RAB40A: variants seen among roughly 807,000 people sequenced by gnomAD.
RAB40A encodes the protein RAB40A, member RAS oncogene family.
For missense variants in RAB40A, 145 were observed against 230.2 expected (o/e 0.63, Z 2.40); for synonymous variants, 65 against 99.9 (o/e 0.65, Z 2.08).
downstream of RAB40A, among the ~76,000 whole-genome samples, chrX:103,494,908 G>T (rs1603122257): frequency 8.9e-6 from 1 of 111,833 alleles, no homozygotes; most frequent in East Asian, 2.8e-4. Flanking sequence ...TGGGTCTTTT[G>T]TGATTCTATA....
Position 103,518,821 on chromosome X carries a change from A to G in RAB40A, c.-223+549T>C, listed in dbSNP as rs188857658. Among the ~76,000 whole-genome samples, 385 of 111,986 alleles carry G rather than the reference A, an allele frequency of 3.4e-3. 3 individuals are homozygous for G. Among genetic ancestry groups the G allele is most frequent in the Middle Eastern group, 0.014 (3 of 219 alleles). On this transcript the variant is annotated intron_variant, in intron 1 of 2. Coordinates refer to ENST00000304236, the MANE Select transcript of RAB40A (RefSeq NM_080879.3). ...TCATCCAACCCTTTCTATACATACTATCCCTCAGTGTAACCTAATGGTTTA... is the reference window on the plus strand; with the variant it reads ...TCATCCAACCCTTTCTATACATACTGTCCCTCAGTGTAACCTAATGGTTTA...
Position 103,499,779 on chromosome X carries a change from G to T in RAB40A, c.*144C>A. ...GTGTAATGTGTTTTTATTGACAGAAGGCATCACACACATTCCCAAGCAGCA... is the reference window on the plus strand; with the variant it reads ...GTGTAATGTGTTTTTATTGACAGAATGCATCACACACATTCCCAAGCAGCA... On this transcript the variant is annotated 3_prime_UTR_variant, in exon 3 of 3. Transcript: ENST00000304236. 1.6e-6 allele frequency: 1 copy of T among 633,734 alleles called. No homozygotes were observed. Among genetic ancestry groups the T allele is most frequent in the Non-Finnish European group, 2.5e-6 (1 of 398,015 alleles). The allele number at this position is 633,734 out of a possible 1,213,427, so 52.2% of individuals were successfully genotyped here. A position where few individuals can be genotyped will look rare whatever the true frequency, so the allele number is the denominator to read the frequency against.
chrX:103,507,973 T>C (rs533866551), intron 2 of RAB40A, among the ~76,000 whole-genome samples: 3 of 112,324 alleles, frequency 2.7e-5, no homozygotes, highest in East Asian at 2.8e-4. Context: ...TTAATGTTTA[T>C]TGTTCATGTA....
intron 2 of RAB40A, among the ~76,000 whole-genome samples, chrX:103,509,752 C>T (rs1355502601): frequency 2.9e-5 from 3 of 104,791 alleles, no homozygotes; most frequent in African/African-American, 1.1e-4. Flanking sequence ...TCATTATGAC[C>T]AGTTTTTTCA....
At chrX:103,498,286 C>T (rs1490637470), downstream of RAB40A, among the ~76,000 whole-genome samples, 5 of 112,173 alleles carry the variant, frequency 4.5e-5, no homozygotes, top group Admixed American at 9.4e-5. Flanking sequence ...GAACTGTCTG[C>T]GGACTCGTTT....
At chrX:103,514,515 A>G (rs896343825) in intron 2 of RAB40A, among the ~76,000 whole-genome samples, 1 of 110,065 alleles carries the variant, frequency 9.1e-6, no homozygotes, top group African/African-American at 3.3e-5. Context: ...ATGCTCAACT[A>G]ATTTTTGTAT....
downstream of RAB40A, among the ~76,000 whole-genome samples, chrX:103,498,585 C>G (rs2073198674): frequency 8.9e-6 from 1 of 112,219 alleles, no homozygotes. Flanking sequence ...GCAAACATCC[C>G]TGTTTCTTAA....
chrX:103,518,930 A>G (rs1250382509), intron 1 of RAB40A, among the ~76,000 whole-genome samples: 1 of 111,969 alleles, frequency 8.9e-6, no homozygotes, highest in African/African-American at 3.2e-5. Context: ...ATGACCTTTA[A>G]TGAATATAGA....
chrX:103,496,472 A>G (rs143786490), downstream of RAB40A, among the ~76,000 whole-genome samples: 1,593 of 112,219 alleles, frequency 0.014, 22 homozygotes, highest in African/African-American at 0.049. Context: ...CACCACCATT[A>G]TATTACCAAA....
chrX:103,502,358 AATG>A (rs1385748971), intron 2 of RAB40A: 2 of 123,551 alleles, frequency 1.6e-5, no homozygotes, highest in Non-Finnish European at 3.8e-5. Flanking sequence ...TGATTGGAAT[AATG>A]ATCATAATCA....
the RAB40A span, among the ~76,000 whole-genome samples, chrX:103,493,824 C>T: frequency 1.8e-5 from 2 of 112,123 alleles, no homozygotes; most frequent in African/African-American, 6.5e-5. Flanking sequence ...TTTCTTTATC[C>T]ATTCATCTCT....
chrX:103,512,483 T>G (rs368637177), intron 2 of RAB40A, among the ~76,000 whole-genome samples: 4 of 111,501 alleles, frequency 3.6e-5, no homozygotes, highest in African/African-American at 1.3e-4. Context: ...TGTTTAAAGT[T>G]GGAAACAACC....
intron 2 of RAB40A, among the ~76,000 whole-genome samples, chrX:103,509,019 G>A (rs2073272036): frequency 8.9e-6 from 1 of 111,872 alleles, no homozygotes; most frequent in South Asian, 3.7e-4. Flanking sequence ...AGGAATTACT[G>A]GCATTTCTGT....
At chrX:103,505,627 T>C (rs2073250875) in intron 2 of RAB40A, among the ~76,000 whole-genome samples, 1 of 111,758 alleles carries the variant, frequency 8.9e-6, no homozygotes, top group Non-Finnish European at 1.9e-5. Context: ...GTAAAATGCC[T>C]GTTTACTTCT....
chrX:103,514,473 C>T (rs1178628763), intron 2 of RAB40A, among the ~76,000 whole-genome samples: 4 of 111,039 alleles, frequency 3.6e-5, no homozygotes, highest in African/African-American at 1.3e-4. Flanking sequence ...CCTCAGCCTC[C>T]CAAGTAACTG....
intron 2 of RAB40A, among the ~76,000 whole-genome samples, chrX:103,510,261 G>C (rs757832843): frequency 3.6e-5 from 4 of 112,306 alleles, no homozygotes; most frequent in African/African-American, 1.3e-4. Context: ...CTCAGGCAAA[G>C]TCCTTATTCT....
rs192916735 is a variant in RAB40A at position 103,518,961 on chromosome X, C to T, written c.-223+409G>A. On this transcript the variant is annotated intron_variant, in intron 1 of 2. Transcript: ENST00000304236. Reference sequence around the variant, plus strand: ...ATAGAACTAAGCAACAATCCTTAGACGCTGCAGAAAAATCGAGGTGAAAAA... The same window carrying T: ...ATAGAACTAAGCAACAATCCTTAGATGCTGCAGAAAAATCGAGGTGAAAAA... Among the ~76,000 whole-genome samples the T allele has an allele frequency of 1.3e-4, 14 of 111,448 alleles. No individual in the cohort carries two copies. In the East Asian group the frequency reaches 3.1e-3, roughly 25 times the overall value.
At chrX:103,498,502 G>A (rs1007912278), downstream of RAB40A, among the ~76,000 whole-genome samples, 4 of 112,897 alleles carry the variant, frequency 3.5e-5, no homozygotes, top group Admixed American at 3.7e-4. Flanking sequence ...CAGTCTGCCT[G>A]GGGGCATATA....
chrX:103,511,322 C>A (rs1396437898), intron 2 of RAB40A, among the ~76,000 whole-genome samples: 2 of 109,162 alleles, frequency 1.8e-5, no homozygotes, highest in Non-Finnish European at 3.8e-5. Context: ...CACAGTGAAA[C>A]ACCATCTCTA....
Sources: allele counts gnomAD v4.1 joint callset (sites outside exome capture counted in the v4.1 genomes callset), GRCh38; gene constraint gnomAD v4.1.1; transcripts MANE v1.5; gene names NCBI Gene and HGNC (gene_info 2026-07-23, HGNC 2026-07-21).